Variants in ARHGEF10 observed in about 807,000 individuals in gnomAD.
ARHGEF10 encodes Rho guanine nucleotide exchange factor 10.
Under a neutral mutation model 147.4 loss-of-function variants are expected in ARHGEF10, and 140 were observed. That is an observed-to-expected ratio of 0.95 (90% CI 0.83 to 1.09). The LOEUF (loss-of-function observed/expected upper bound fraction) is 1.09, where lower values mean the gene tolerates loss of function less well. Among genes scored for constraint, ARHGEF10 ranks in the 50% least tolerant of loss-of-function variants. The pLI, the probability that ARHGEF10 is intolerant of heterozygous loss-of-function variation, is 0.00. For synonymous variants in ARHGEF10, 902 were observed against 695.8 expected (o/e 1.30, Z -4.67); for missense variants, 2,222 against 1,752.7 (o/e 1.27, Z -4.78).
chr8:1,935,845 C>T (rs879834917), intron 26 of ARHGEF10, among the ~76,000 whole-genome samples: 1 of 152,248 alleles, frequency 6.6e-6, no homozygotes, highest in African/African-American at 2.4e-5. Context: ...GGCCCAAACT[C>T]TCCTTGTGGG....
At chr8:1,919,099 G>T (rs568004981) in intron 18 of ARHGEF10, among the ~76,000 whole-genome samples, 55 of 148,328 alleles carry the variant, frequency 3.7e-4, no homozygotes, top group Non-Finnish European at 6.5e-4. Context: ...GAGCTCTTCC[G>T]TGGGTGATGG....
At chr8:1,835,367 C>T (rs527751197) in intron 1 of ARHGEF10, among the ~76,000 whole-genome samples, 4 of 152,236 alleles carry the variant, frequency 2.6e-5, no homozygotes, top group Admixed American at 6.5e-5. Context: ...CAGCTGAGGC[C>T]GTGGGGGTAC....
chr8:1,916,364 T>C (rs1357415504), intron 18 of ARHGEF10, among the ~76,000 whole-genome samples: 1 of 152,252 alleles, frequency 6.6e-6, no homozygotes, highest in Non-Finnish European at 1.5e-5. Flanking sequence ...TTGAACCCCA[T>C]GAAGCTATAG....
intron 23 of ARHGEF10, chr8:1,927,215 AAG>A (rs1463258197): frequency 2.0e-5 from 3 of 153,064 alleles, no homozygotes; most frequent in Non-Finnish European, 2.9e-5. Context: ...TTCCACTTCT[AAG>A]AGAACTGTTT....
At chr8:1,846,932 G>C (rs1804608316) in intron 2 of ARHGEF10, among the ~76,000 whole-genome samples, 1 of 152,192 alleles carries the variant, frequency 6.6e-6, no homozygotes, top group African/African-American at 2.4e-5. Flanking sequence ...TTGTGTTTGT[G>C]AGTATTTTCA....
chr8:1,861,089 C>A (rs770000299), intron 4 of ARHGEF10, among the ~76,000 whole-genome samples: 8 of 152,168 alleles, frequency 5.3e-5, no homozygotes, highest in African/African-American at 1.9e-4. Flanking sequence ...TGGGTGCCCT[C>A]GTGGGTGCCT....
intron 22 of ARHGEF10, among the ~76,000 whole-genome samples, chr8:1,925,967 C>G (rs1017460086): frequency 6.6e-6 from 1 of 152,198 alleles, no homozygotes; most frequent in Admixed American, 6.5e-5. Context: ...CAGCAGCTCC[C>G]CTGACCCCTC....
chr8:1,897,042 T>A (rs1810034604), intron 14 of ARHGEF10, among the ~76,000 whole-genome samples: 2 of 152,236 alleles, frequency 1.3e-5, no homozygotes, highest in African/African-American at 2.4e-5. Flanking sequence ...TTCTGACAGT[T>A]TGCTGCACAA....
intron 2 of ARHGEF10, among the ~76,000 whole-genome samples, chr8:1,843,782 C>G (rs1804282122): frequency 6.6e-6 from 1 of 152,206 alleles, no homozygotes; most frequent in South Asian, 2.1e-4. Context: ...TGTTGAAGGC[C>G]TCGCTCAGGC....
At position 1,928,552 on chromosome 8, in the gene ARHGEF10, G is replaced by C. The variant is rs750698476; in HGVS notation, c.2823G>C (p.Glu941Asp). The change falls in exon 24 of 29, where the codon GAG (glutamate) becomes GAC (aspartate). Residue 941 changes from glutamate (E) to aspartate (D), a missense_variant. Glu to Asp is a conservative substitution (Grantham distance 45, BLOSUM62 2). Coordinates refer to ENST00000349830, the MANE Select transcript of ARHGEF10 (RefSeq NM_014629.4). ...TGTGCATGCTGTACGTTCCCGTCGA[G>C]GAGAAGCGCAGAGAGCCTGGGGCAC... Reference protein sequence around the residue: ...RILCMLYVPVEEKRREPGAPP... With the variant: ...RILCMLYVPVDEKRREPGAPP... 3 of 1,614,222 alleles carry C rather than the reference G, an allele frequency of 1.9e-6. No individual in the cohort carries two copies. The South Asian group carries it at 3.3e-5, about 18-fold the overall frequency.
At chr8:1,830,546 C>T (rs912402400) in intron 1 of ARHGEF10, among the ~76,000 whole-genome samples, 7 of 152,198 alleles carry the variant, frequency 4.6e-5, no homozygotes, top group Non-Finnish European at 8.8e-5. Flanking sequence ...ATATGACAAG[C>T]ACCGGCAAAT....
intron 27 of ARHGEF10, 151 bp from the exon 28 acceptor site, chr8:1,952,554 T>C: frequency 2.0e-6 from 2 of 990,746 alleles, no homozygotes; most frequent in Non-Finnish European, 3.0e-6. Context: ...GGGAGCCTGG[T>C]GCTCGGGTTT....
In ARHGEF10 at chr8:1,903,400, C is replaced by A. The variant is rs754309332; in HGVS notation, c.1770C>A (p.Arg590=). The A allele has an allele frequency of 6.2e-7, 1 of 1,614,206 alleles. No individual in the cohort carries two copies. Among genetic ancestry groups the A allele is most frequent in the Non-Finnish European group, 8.5e-7 (1 of 1,180,052 alleles). ...LNERKRDADQ[R]CEVKQIAKAI... is the part of the protein sequence containing the mutation. The stretch of plus-strand genomic sequence containing the variant: ...AAAGAAAGAGAGATGCTGATCAACG[C>A]TGTGAAGTGAAGCAAATAGCCAAAG... Residue 590 remains arginine, a synonymous_variant, in exon 16 of 29, where the codon CGC becomes CGA. Transcript: ENST00000349830.
rs780302201 is a variant in ARHGEF10 at position 1,945,576 on chromosome 8, G to A, written c.3318G>A (p.Thr1106=). 2.0e-5 allele frequency: 33 copies of A among 1,614,088 alleles called. No individual in the cohort carries two copies. Among genetic ancestry groups the A allele is most frequent in the East Asian group, 6.7e-5 (3 of 44,890 alleles). Residue 1106 remains threonine (T), a synonymous_variant, in exon 27 of 29, where the codon ACG becomes ACA. Coordinates refer to ENST00000349830, the MANE Select transcript of ARHGEF10 (RefSeq NM_014629.4). ...GIWIAFTSGS[T]LRLFHTETLK... is the part of the protein sequence containing the mutation. ...GGATTGCCTTCACCTCAGGGTCCAC[G>A]CTCCGCCTTTTTCACACGGAAACTC...
chr8:1,909,239 T>C, intron 17 of ARHGEF10, 56 bp from the exon 18 acceptor site: 1 of 1,604,144 alleles, frequency 6.2e-7, no homozygotes, highest in Non-Finnish European at 8.5e-7. Flanking sequence ...GGATGAACAT[T>C]ACCATAACGT....
intron 2 of ARHGEF10, among the ~76,000 whole-genome samples, chr8:1,849,814 C>CAT (rs776378037): frequency 8.0e-6 from 1 of 124,616 alleles, no homozygotes; most frequent in African/African-American, 3.3e-5. Context: ...GCTGCGTGGA[C>CAT]ACAGGGCAAA....
chr8:1,841,362 C>T (rs1026630197), intron 1 of ARHGEF10, among the ~76,000 whole-genome samples: 10 of 152,204 alleles, frequency 6.6e-5, no homozygotes, highest in African/African-American at 1.7e-4. Flanking sequence ...ATGAGCAGCG[C>T]CTCCAGGGCG....
chr8:1,841,505 G>A (rs186463751), intron 1 of ARHGEF10, among the ~76,000 whole-genome samples: 2 of 152,194 alleles, frequency 1.3e-5, no homozygotes, highest in Admixed American at 6.5e-5. Flanking sequence ...AGTGTGTTAC[G>A]GTGTCCAGAG....
chr8:1,923,913 C>T lies in ARHGEF10; in HGVS notation c.2488+39C>T, dbSNP rs749684024. The T allele has an allele frequency of 3.7e-5, 58 of 1,585,758 alleles. No homozygotes were observed. In the East Asian group the frequency reaches 3.8e-4, roughly 10 times the overall value. ...GGCTGAGGCTGAATGAGGCATGCGG[C>T]GTGATGATGAATTCCTGCCCACGAG... On this transcript the variant is annotated intron_variant, in intron 21 of 28. Transcript: ENST00000349830.
Sources: allele counts gnomAD v4.1 joint callset (sites outside exome capture counted in the v4.1 genomes callset), GRCh38; gene constraint gnomAD v4.1.1; transcripts MANE v1.5; gene names NCBI Gene and HGNC (gene_info 2026-07-23, HGNC 2026-07-21).